Variants in DOK6 observed in about 807,000 individuals in gnomAD.
DOK6 encodes the protein downstream of tyrosine kinase 6.
A neutral mutation model predicts 44.0 loss-of-function variants in DOK6; 22 were observed. That is an observed-to-expected ratio of 0.50 (90% CI 0.36 to 0.71). The LOEUF (loss-of-function observed/expected upper bound fraction) is 0.71, where lower values mean the gene tolerates loss of function less well. DOK6 is among the 30% of genes least tolerant of loss of function. The pLI is 0.00. For missense variants in DOK6, 340 were observed against 416.4 expected (o/e 0.82, Z 1.60); for synonymous variants, 166 against 145.5 (o/e 1.14, Z -1.01).
At chr18:69,512,332 C>CTTTTTT (rs548031851) in intron 1 of DOK6, among the ~76,000 whole-genome samples, 41 of 91,652 alleles carry the variant, frequency 4.5e-4, no homozygotes, top group East Asian at 1.1e-3. Flanking sequence ...CTTTCTTCTT[C>CTTTTTT]TTTTTTTTTT....
chr18:69,774,093 G>GAT (rs1391058977), intron 7 of DOK6, among the ~76,000 whole-genome samples: 59 of 108,730 alleles, frequency 5.4e-4, no homozygotes, highest in African/African-American at 1.7e-3. Context: ...GATTTATATA[G>GAT]ATATATATAT....
At chr18:69,623,058 G>C (rs976787280) in intron 3 of DOK6, among the ~76,000 whole-genome samples, 2 of 152,056 alleles carry the variant, frequency 1.3e-5, no homozygotes, top group Non-Finnish European at 2.9e-5. Flanking sequence ...AATTATGGGG[G>C]GTGGACTTCT....
chr18:69,803,308 A>T (rs528315109), intron 7 of DOK6, among the ~76,000 whole-genome samples: 10 of 152,290 alleles, frequency 6.6e-5, no homozygotes, highest in African/African-American at 2.4e-4. Context: ...TATCACAGAC[A>T]TTTGATAATG....
chr18:69,772,687 T>C (rs914001284), intron 7 of DOK6, among the ~76,000 whole-genome samples: 4 of 151,916 alleles, frequency 2.6e-5, no homozygotes, highest in Non-Finnish European at 4.4e-5. Flanking sequence ...TCTTACACCA[T>C]GCACAAAAGT....
At chr18:69,479,113 G>T (rs1209042361) in intron 1 of DOK6, among the ~76,000 whole-genome samples, 1 of 152,218 alleles carries the variant, frequency 6.6e-6, no homozygotes, top group East Asian at 1.9e-4. Context: ...AGAGATAAAT[G>T]CATGTTGCCT....
At chr18:69,664,908 A>T (rs1452766054) in intron 3 of DOK6, among the ~76,000 whole-genome samples, 4 of 152,198 alleles carry the variant, frequency 2.6e-5, no homozygotes, top group Non-Finnish European at 5.9e-5. Flanking sequence ...GCCAGGTGCG[A>T]TGGCTCACGC....
chr18:69,558,909 A>G (rs1044998818), intron 1 of DOK6, among the ~76,000 whole-genome samples: 6 of 152,108 alleles, frequency 3.9e-5, no homozygotes, highest in Admixed American at 3.9e-4. Flanking sequence ...GGATGCTATC[A>G]GAGGAAGCTG....
At chr18:69,450,073 G>A (rs1267038979) in intron 1 of DOK6, among the ~76,000 whole-genome samples, 4 of 131,626 alleles carry the variant, frequency 3.0e-5, no homozygotes, top group African/African-American at 8.8e-5. Flanking sequence ...TGACTTTGAC[G>A]AGCTGAGAGA....
At chr18:69,565,346 T>A (rs1255489989) in intron 2 of DOK6, among the ~76,000 whole-genome samples, 2 of 152,116 alleles carry the variant, frequency 1.3e-5, no homozygotes, top group Non-Finnish European at 2.9e-5. Flanking sequence ...AATATATTGT[T>A]CTAATTTCTT....
intron 3 of DOK6, among the ~76,000 whole-genome samples, chr18:69,620,516 C>A (rs185678082): frequency 4.7e-4 from 71 of 152,148 alleles, no homozygotes; most frequent in Admixed American, 4.3e-3. Context: ...TTTGAGAGGA[C>A]GGATCAAGGG....
intron 1 of DOK6, among the ~76,000 whole-genome samples, chr18:69,545,530 A>G (rs533426729): frequency 4.0e-5 from 6 of 150,268 alleles, no homozygotes; most frequent in African/African-American, 1.5e-4. Context: ...AAAAAAAAAA[A>G]AAAGAAAAGA....
intron 1 of DOK6, among the ~76,000 whole-genome samples, chr18:69,523,883 T>C (rs1981756589): frequency 6.6e-6 from 1 of 152,022 alleles, no homozygotes; most frequent in Non-Finnish European, 1.5e-5. Flanking sequence ...ATGAACATCA[T>C]CTACAAATGC....
chr18:69,438,576 T>C (rs1453417790), intron 1 of DOK6, among the ~76,000 whole-genome samples: 1 of 152,216 alleles, frequency 6.6e-6, no homozygotes, highest in Non-Finnish European at 1.5e-5. Flanking sequence ...CCTCCTCCAA[T>C]GAATCAGAAA....
chr18:69,800,080 T>G (rs1265401186), intron 7 of DOK6, among the ~76,000 whole-genome samples: 1 of 92,774 alleles, frequency 1.1e-5, no homozygotes, highest in East Asian at 4.6e-4. Flanking sequence ...TCTTTATTTC[T>G]CTACGTTCTA....
chr18:69,698,999 C>CT (rs902419451), intron 5 of DOK6, among the ~76,000 whole-genome samples: 2 of 152,048 alleles, frequency 1.3e-5, no homozygotes, highest in African/African-American at 4.8e-5. Flanking sequence ...AGCAAACAAT[C>CT]TTTTTTTAAA....
chr18:69,546,277 CAAA>C (rs112839837), intron 1 of DOK6, among the ~76,000 whole-genome samples: 1 of 103,914 alleles, frequency 9.6e-6, no homozygotes. Flanking sequence ...AACTCCGTCT[CAAA>C]AAAAAAAAAA....
intron 2 of DOK6, among the ~76,000 whole-genome samples, chr18:69,587,660 G>A (rs1244722444): frequency 6.6e-6 from 1 of 152,086 alleles, no homozygotes; most frequent in Admixed American, 6.5e-5. Context: ...GATAATATCC[G>A]TGTGGTAAAA....
chr18:69,809,249 C>T (rs1201877005), intron 7 of DOK6, among the ~76,000 whole-genome samples: 1 of 151,664 alleles, frequency 6.6e-6, no homozygotes, highest in African/African-American at 2.4e-5. Context: ...CAAAATTCAA[C>T]GTCCTTTCAT....
At chr18:69,696,773 T>C (rs1986399273) in intron 4 of DOK6, among the ~76,000 whole-genome samples, 1 of 152,100 alleles carries the variant, frequency 6.6e-6, no homozygotes, top group African/African-American at 2.4e-5. Flanking sequence ...CCCATTGGAG[T>C]GTGAATTATG....
Sources: gnomAD v4.1 joint callset for allele counts (sites outside exome capture counted in the v4.1 genomes callset) on GRCh38, gnomAD v4.1.1 for gene constraint, MANE v1.5 for transcripts, NCBI Gene and HGNC (gene_info 2026-07-23, HGNC 2026-07-21) for gene names.